Variants in DCHS2 observed in about 807,000 individuals in gnomAD.
The protein encoded by DCHS2 is dachsous cadherin-related 2.
Under a neutral mutation model 182.4 loss-of-function variants are expected in DCHS2, and 142 were observed. The observed-to-expected ratio is 0.78, with a 90% CI of 0.68 to 0.89. The LOEUF is 0.89. Among genes scored for constraint, DCHS2 ranks in the 40% least tolerant of loss-of-function variants. DCHS2 has a pLI of 0.00. For missense variants in DCHS2, 4,319 were observed against 4,198.6 expected (o/e 1.03, Z -0.79); for synonymous variants, 1,740 against 1,663.3 (o/e 1.05, Z -1.12).
rs1006539509 is a variant in DCHS2, at chr4:154,310,239, T to A, written c.5261-5008A>T. Among the ~76,000 whole-genome samples the A allele has an allele frequency of 2.0e-5, 3 of 152,350 alleles. No individual in the cohort carries two copies. In the East Asian group the frequency reaches 5.8e-4, roughly 29 times the overall value. ...GGGGAATATGTGTGGAAATCAGTTCTAAGAATGTGAGACCTAGGAAGATAT... is the reference window on the plus strand; with the variant it reads ...GGGGAATATGTGTGGAAATCAGTTCAAAGAATGTGAGACCTAGGAAGATAT... On this transcript the variant is annotated intron_variant, in intron 10 of 19. Transcript: ENST00000357232.
chr4:154,445,205 G>A (rs920297595), intron 1 of DCHS2, among the ~76,000 whole-genome samples: 2 of 152,172 alleles, frequency 1.3e-5, no homozygotes, highest in Admixed American at 1.3e-4. Context: ...TTGGCCCACA[G>A]TGTTATCTTT....
chr4:154,434,918 T>C (rs1406859427), intron 1 of DCHS2, among the ~76,000 whole-genome samples: 2 of 152,104 alleles, frequency 1.3e-5, no homozygotes, highest in Non-Finnish European at 2.9e-5. Flanking sequence ...CCAAGGAAAG[T>C]CTGGGAAACT....
At chr4:154,325,130 T>C (rs1210038134) in intron 7 of DCHS2, among the ~76,000 whole-genome samples, 1 of 152,138 alleles carries the variant, frequency 6.6e-6, no homozygotes, top group Admixed American at 6.6e-5. Flanking sequence ...TTCCAAGAAA[T>C]GGCAGAGTAT....
At chr4:154,293,455 T>A (rs1417617341) in intron 13 of DCHS2, among the ~76,000 whole-genome samples, 1 of 152,148 alleles carries the variant, frequency 6.6e-6, no homozygotes, top group African/African-American at 2.4e-5. Flanking sequence ...ATGCTGGGAT[T>A]ACAGGCGTGA....
intron 1 of DCHS2, among the ~76,000 whole-genome samples, chr4:154,418,308 G>A (rs891517135): frequency 1.3e-5 from 2 of 152,166 alleles, no homozygotes; most frequent in African/African-American, 4.8e-5. Flanking sequence ...CGCTGTATCA[G>A]CACTAACGCC....
chr4:154,372,436 G>A (rs929771946), intron 2 of DCHS2, among the ~76,000 whole-genome samples: 1 of 152,180 alleles, frequency 6.6e-6, no homozygotes, highest in African/African-American at 2.4e-5. Context: ...ACAGTGAAGA[G>A]CTCAGTCCGT....
rs552700769 is a variant in DCHS2, at chr4:154,246,771, G to A, written c.6942-3999C>T. 3.5e-4 allele frequency among the ~76,000 whole-genome samples: 53 copies of A among 151,842 alleles called. No homozygotes were observed. The South Asian group carries it at 0.011, about 30-fold the overall frequency. ...ATAATATCCTCTCAATTTTTAATTA[G>A]AAAATAAAAAAGAAATTTTAGAAGA... is the stretch of plus-strand genomic sequence containing the variant. On this transcript the variant is annotated intron_variant, in intron 16 of 19. Coordinates refer to ENST00000357232, the MANE Select transcript of DCHS2 (RefSeq NM_001358235.2).
In DCHS2 at chr4:154,305,492, A is replaced by G. The variant is rs566479695; in HGVS notation, c.5261-261T>C. 5.9e-5 allele frequency among the ~76,000 whole-genome samples: 9 copies of G among 152,282 alleles called. No individual in the cohort carries two copies. In the South Asian group the frequency reaches 1.9e-3, roughly 32 times the overall value. ...GCTTAGAATTTTTTCCTTCCCATAA[A>G]AAATTTCTTATGAGTGTGCAACTCT... On this transcript the variant is annotated intron_variant, in intron 10 of 19. Coordinates refer to ENST00000357232, the MANE Select transcript of DCHS2 (RefSeq NM_001358235.2).
At chr4:154,375,471 A>G (rs1270167321) in intron 2 of DCHS2, among the ~76,000 whole-genome samples, 2 of 152,174 alleles carry the variant, frequency 1.3e-5, no homozygotes, top group African/African-American at 4.8e-5. Flanking sequence ...ACTCATGCAC[A>G]TCAGTAAGAA....
chr4:154,260,226 G>C (rs924785577), intron 14 of DCHS2, among the ~76,000 whole-genome samples: 4 of 152,148 alleles, frequency 2.6e-5, no homozygotes, highest in African/African-American at 9.7e-5. Context: ...CCACCGACCC[G>C]GGTCATTGTG....
chr4:154,386,462 CAA>C (rs1205875486), intron 1 of DCHS2, among the ~76,000 whole-genome samples: 2 of 149,898 alleles, frequency 1.3e-5, no homozygotes, highest in Non-Finnish European at 3.0e-5. Context: ...ATGCTCTAGT[CAA>C]GAGTCACTTT....
intron 10 of DCHS2, among the ~76,000 whole-genome samples, chr4:154,312,285 A>C (rs899080555): frequency 6.6e-5 from 10 of 152,340 alleles, no homozygotes; most frequent in African/African-American, 2.4e-4. Flanking sequence ...CTTGAATCCT[A>C]TGGATCTCCT....
At chr4:154,382,758 A>G (rs1227596925) in intron 1 of DCHS2, among the ~76,000 whole-genome samples, 1 of 152,192 alleles carries the variant, frequency 6.6e-6, no homozygotes, top group African/African-American at 2.4e-5. Context: ...GCTCAATATC[A>G]CTAATCATCA....
At position 154,240,611 on chromosome 4, in the gene DCHS2, T is replaced by C. The variant is rs113808023; in HGVS notation, c.7285A>G (p.Thr2429Ala). ...LIQISDSVHYTEGALVVRVLD... is the reference protein window; with the variant it reads ...LIQISDSVHYAEGALVVRVLD... ...ACACGGACTACAAGTGCTCCCTCTG[T>C]GTAGTGCACTGAATCAGAAATTTGG... Residue 2429 changes from threonine to alanine, a missense_variant, in exon 18 of 20, where the codon ACA (threonine) becomes GCA (alanine). By Grantham distance (58) the Thr-to-Ala change is moderately conservative (BLOSUM62 0). Transcript: ENST00000357232. 6.2e-7 allele frequency: 1 copy of C among 1,613,980 alleles called. No homozygotes were observed. Among genetic ancestry groups the C allele is most frequent in the Non-Finnish European group, 8.5e-7 (1 of 1,179,932 alleles).
At chr4:154,305,388 C>CGG (rs1735402428) in intron 10 of DCHS2, among the ~76,000 whole-genome samples, 157 bp from the exon 11 acceptor site, 2 of 152,154 alleles carry the variant, frequency 1.3e-5, no homozygotes, top group African/African-American at 4.8e-5. Context: ...CCTCTTTTGG[C>CGG]TGTTCTTGCT....
intron 16 of DCHS2, among the ~76,000 whole-genome samples, chr4:154,249,659 C>G (rs147292986): frequency 1.3e-5 from 2 of 152,052 alleles, no homozygotes; most frequent in East Asian, 3.9e-4. Context: ...AAAAAGGCAA[C>G]CTAGGTGCCT....
At chr4:154,283,390 C>T (rs2111240635) in intron 13 of DCHS2, among the ~76,000 whole-genome samples, 1 of 149,620 alleles carries the variant, frequency 6.7e-6, no homozygotes, top group Non-Finnish European at 1.5e-5. Context: ...AACTTATTTG[C>T]TTTTGTGAAC....
At position 154,333,075 on chromosome 4, in the gene DCHS2, C is replaced by G; in HGVS notation, c.3133G>C (p.Glu1045Gln). The change falls in exon 5 of 20, where the codon GAG (glutamate) becomes CAG (glutamine). Residue 1045 changes from glutamate (E) to glutamine (Q), a missense_variant. Physicochemically the swap from Glu to Gln is conservative, Grantham distance 29. Transcript: ENST00000357232. ...AGAGTCAGCGTGAGCTCCCGCTGCT[C>G]GCCCGCGCCCAGGCTGCCGTTGAGG... ...LFLNGSLGAG[E>Q]QRELTLTLRA... 1 of 1,614,000 alleles carries G rather than the reference C, an allele frequency of 6.2e-7. No homozygotes were observed. Among genetic ancestry groups the G allele is most frequent in the Non-Finnish European group, 8.5e-7 (1 of 1,179,972 alleles).
chr4:154,438,241 G>A (rs1733862273), intron 1 of DCHS2, among the ~76,000 whole-genome samples: 1 of 152,140 alleles, frequency 6.6e-6, no homozygotes, highest in Non-Finnish European at 1.5e-5. Flanking sequence ...AGACAGGGCT[G>A]AGTCTGGCCC....
Sources: allele counts gnomAD v4.1 joint callset (sites outside exome capture counted in the v4.1 genomes callset), GRCh38; gene constraint gnomAD v4.1.1; transcripts MANE v1.5; gene names NCBI Gene and HGNC (gene_info 2026-07-23, HGNC 2026-07-21).